Variants in ZNF197 observed in about 807,000 individuals in gnomAD.
The protein encoded by ZNF197 is zinc finger protein 197.
ZNF197 carries 14 observed loss-of-function variants against 27.4 expected under a neutral mutation model. The observed-to-expected ratio is 0.51, with a 90% confidence interval of 0.34 to 0.80. The LOEUF (loss-of-function observed/expected upper bound fraction) is 0.80. Among genes scored for constraint, ZNF197 ranks in the 30% least tolerant of loss-of-function variants. ZNF197 has a pLI of 0.02. For synonymous variants in ZNF197, 415 were observed against 420.0 expected, an observed-to-expected ratio of 0.99 and a Z score of 0.15; for missense variants, 1,090 against 1,222.6, an observed-to-expected ratio of 0.89 and a Z score of 1.62.
intron 1 of ZNF197, among the ~76,000 whole-genome samples, chr3:44,625,749 C>T (rs995507070): frequency 1.3e-4 from 8 of 63,834 alleles, no homozygotes; most frequent in Non-Finnish European, 2.3e-4. Flanking sequence ...CGCGCGCGCG[C>T]GCACACACAC....
intron 4 of ZNF197, 45 bp downstream of exon 4, chr3:44,632,241 G>T: frequency 6.3e-7 from 1 of 1,599,232 alleles, no homozygotes; most frequent in East Asian, 2.2e-5. Flanking sequence ...CAGCGTAACT[G>T]TGGCTGAAGT....
In ZNF197 at chr3:44,647,121, TC is replaced by T. The variant is rs1416788219; in HGVS notation, c.*2903del. 5 of 152,122 alleles carry T rather than the reference TC, an allele frequency of 3.3e-5. No individual in the cohort carries two copies. The highest frequency in any genetic ancestry group is 1.2e-4 in the African/African-American group (5 of 41,426). 9.4% of individuals were successfully genotyped at this position (152,122 alleles called of 1,614,324 possible). On this transcript the variant is annotated 3_prime_UTR_variant, in exon 6 of 6. Coordinates refer to ENST00000344387, the MANE Select transcript of ZNF197 (RefSeq NM_006991.5). ...TGTATGTAAACTACATAAAGAACTT[TC>T]CAAATTTAACAGTAATAAGTAAATA...
chr3:44,631,138 T>C lies in ZNF197; in HGVS notation c.467T>C (p.Leu156Pro), dbSNP rs1475260712. ...CCAGGAACAACACTTCCTCCTGTACTTCCTGGCAGCCACATAGCAGCTGAA... is the reference window on the plus strand; with the variant it reads ...CCAGGAACAACACTTCCTCCTGTACCTCCTGGCAGCCACATAGCAGCTGAA... Reference protein sequence around the residue: ...SAPGTTLPPVLPGSHIAAEIC... With the variant: ...SAPGTTLPPVPPGSHIAAEIC... The change falls in exon 3 of 6, where the codon CTT becomes CCT. Residue 156 changes from leucine to proline, a missense_variant. Transcript: ENST00000344387. 2 of 1,614,120 alleles carry C rather than the reference T, an allele frequency of 1.2e-6. No homozygotes were observed. Among genetic ancestry groups the C allele is most frequent in the Non-Finnish European group, 1.7e-6 (2 of 1,180,026 alleles).
rs1464664552 is a variant in ZNF197 at position 44,646,724 on chromosome 3, CAT to C, written c.*2505_*2506del. 2 of 518,900 alleles carry C rather than the reference CAT, an allele frequency of 3.9e-6. No homozygotes were observed. Among genetic ancestry groups the C allele is most frequent in the Non-Finnish European group, 6.8e-6 (2 of 292,080 alleles). The allele number at this position is 518,900 out of a possible 1,614,324, so 32.1% of individuals were successfully genotyped here. On this transcript the variant is annotated 3_prime_UTR_variant, in exon 6 of 6. Transcript: ENST00000344387. The stretch of plus-strand genomic sequence containing the variant: ...AAATTTCGATATGAAAGGTATAAAA[CAT>C]GGATGAGGAGGCTTGTTTTTAAAAG...
intron 5 of ZNF197, among the ~76,000 whole-genome samples, chr3:44,632,901 G>A (rs1340108443): frequency 1.3e-5 from 2 of 151,982 alleles, no homozygotes; most frequent in East Asian, 3.8e-4. Flanking sequence ...ACTCTTTGCA[G>A]TTATTATCTA....
intron 5 of ZNF197, among the ~76,000 whole-genome samples, chr3:44,638,720 G>C (rs1288554197): frequency 6.6e-6 from 1 of 152,066 alleles, no homozygotes; most frequent in Non-Finnish European, 1.5e-5. Context: ...TTTGAACAGT[G>C]TCTTACTCTG....
At chr3:44,633,260 G>T (rs1298313063) in intron 5 of ZNF197, among the ~76,000 whole-genome samples, 3 of 152,038 alleles carry the variant, frequency 2.0e-5, no homozygotes, top group Admixed American at 1.3e-4. Context: ...AATAATAAAA[G>T]AATATTTCAA....
In ZNF197 at chr3:44,646,014, G is replaced by T. The variant is rs1173695460; in HGVS notation, c.*1794G>T. ...TTTTTTAATAATGTCAAAGTGGTGT[G>T]TTGATTATCATAAATGTTATTAATT... On this transcript the variant is annotated 3_prime_UTR_variant, in exon 6 of 6. Transcript: ENST00000344387. 2.0e-6 allele frequency: 2 copies of T among 985,284 alleles called. No homozygotes were observed. The highest frequency in any genetic ancestry group is 3.5e-5 in the African/African-American group (2 of 57,222). The allele number at this position is 985,284 out of a possible 1,614,324, so 61.0% of individuals were successfully genotyped here.
At chr3:44,631,371 C>T (rs886763365) in intron 3 of ZNF197, 150 bp downstream of exon 3, 3 of 983,710 alleles carry the variant, frequency 3.0e-6, no homozygotes, top group African/African-American at 1.6e-5. Context: ...TTCTCTCCTT[C>T]TTTCTTGGGC....
In ZNF197 at chr3:44,642,452, T is replaced by G. The variant is rs1702666412; in HGVS notation, c.1322T>G (p.Leu441Arg). The change falls in exon 6 of 6, where the codon CTT (leucine) becomes CGT (arginine). Residue 441 changes from leucine to arginine, a missense_variant. By Grantham distance (102) the Leu-to-Arg change is moderately radical. Transcript: ENST00000344387. ...AAAGCATTTTCTCAAAGTGCTTACC[T>G]TCTAAACCATCAGAGGATCCACACT... Reference protein sequence around the residue: ...CGKAFSQSAYLLNHQRIHTGE... With the variant: ...CGKAFSQSAYRLNHQRIHTGE... The G allele has an allele frequency of 6.2e-7, 1 of 1,613,752 alleles. No homozygotes were observed. Among genetic ancestry groups the G allele is most frequent in the Non-Finnish European group, 8.5e-7 (1 of 1,179,948 alleles).
At position 44,644,280 on chromosome 3, in the gene ZNF197, A is replaced by G; in HGVS notation, c.*60A>G. ...CTTAAGTAACTGTTGGACAAATGAT[A>G]TATATTTCTTCTAAGGAAAAAGTTT... is the stretch of plus-strand genomic sequence containing the variant. On this transcript the variant is annotated 3_prime_UTR_variant, in exon 6 of 6. Transcript: ENST00000344387. 4 of 1,521,674 alleles carry G rather than the reference A, an allele frequency of 2.6e-6. No individual in the cohort carries two copies. Among genetic ancestry groups the G allele is most frequent in the Non-Finnish European group, 3.5e-6 (4 of 1,140,722 alleles). 94.3% of individuals were successfully genotyped at this position (1,521,674 alleles called of 1,614,324 possible).
At position 44,644,247 on chromosome 3, in the gene ZNF197, C is replaced by T; in HGVS notation, c.*27C>T. On this transcript the variant is annotated 3_prime_UTR_variant, in exon 6 of 6. Transcript: ENST00000344387. ...GTCATATGTAAAATGGAATAGAATC[C>T]CTGCCTACTTAAGTAACTGTTGGAC... is the stretch of plus-strand genomic sequence containing the variant. 1 of 1,548,838 alleles carries T rather than the reference C, an allele frequency of 6.5e-7. No individual in the cohort carries two copies.
intron 5 of ZNF197, among the ~76,000 whole-genome samples, chr3:44,634,368 T>C (rs539075007): frequency 4.6e-5 from 7 of 152,282 alleles, no homozygotes; most frequent in Non-Finnish European, 7.4e-5. Flanking sequence ...AGAAAATCCT[T>C]TATGTTGTCA....
chr3:44,644,993 A>G lies in ZNF197; in HGVS notation c.*773A>G. ...ACCTGAACAGACAGTATGATCCAGA[A>G]TGTCAGGTGTGGAGTTGGGCGGACA... On this transcript the variant is annotated 3_prime_UTR_variant, in exon 6 of 6. Transcript: ENST00000344387. 3 of 985,484 alleles carry G rather than the reference A, an allele frequency of 3.0e-6. No homozygotes were observed. The highest frequency in any genetic ancestry group is 3.6e-6 in the Non-Finnish European group (3 of 829,932). 61.0% of individuals were successfully genotyped at this position (985,484 alleles called of 1,614,324 possible). A position where few individuals can be genotyped will look rare whatever the true frequency, so the allele number is the denominator to read the frequency against.
Position 44,631,338 on chromosome 3 carries a change from A to G in ZNF197, c.550+117A>G. The G allele has an allele frequency of 1.0e-5, 13 of 1,274,632 alleles. No homozygotes were observed. In the South Asian group the frequency reaches 1.9e-4, roughly 18 times the overall value. 79.0% of individuals were successfully genotyped at this position (1,274,632 alleles called of 1,614,324 possible). A position where few individuals can be genotyped will look rare whatever the true frequency, so the allele number is the denominator to read the frequency against. ...CTGTCTAGGAGTCTCTTACAGTGCC[A>G]ATTTCTTTCTGCTGTTCTGTTGTTC... On this transcript the variant is annotated intron_variant, in intron 3 of 5. Coordinates refer to ENST00000344387, the MANE Select transcript of ZNF197 (RefSeq NM_006991.5).
Position 44,631,153 on chromosome 3 carries a change from T to A in ZNF197, c.482T>A (p.Ile161Lys). The A allele has an allele frequency of 6.2e-7, 1 of 1,614,182 alleles. No individual in the cohort carries two copies. ...CCTCCTGTACTTCCTGGCAGCCACA[T>A]AGCAGCTGAAATTTGCCCGCATCCT... The part of the protein sequence containing the change: ...TLPPVLPGSH[I>K]AAEICPHPPT... Residue 161 changes from isoleucine to lysine, a missense_variant, in exon 3 of 6, where the codon ATA becomes AAA. Physicochemically the swap from Ile to Lys is moderately radical, Grantham distance 102. Coordinates refer to ENST00000344387, the MANE Select transcript of ZNF197 (RefSeq NM_006991.5).
In ZNF197 at chr3:44,643,387, C is replaced by T. The variant is rs376273220; in HGVS notation, c.2257C>T (p.Arg753Trp). Residue 753 changes from arginine (R) to tryptophan (W), a missense_variant, in exon 6 of 6, where the codon CGG (arginine) becomes TGG (tryptophan). Arg to Trp is a moderately radical substitution (Grantham distance 101). Coordinates refer to ENST00000344387, the MANE Select transcript of ZNF197 (RefSeq NM_006991.5). ...FSYNSSLLVH[R>W]RIHTGEKPFE... The stretch of plus-strand genomic sequence containing the variant: ...TTACAATTCAAGCCTGCTTGTACAT[C>T]GGAGAATCCACACCGGAGAAAAACC... 4.1e-4 allele frequency: 656 copies of T among 1,614,036 alleles called. No homozygotes were observed. Among genetic ancestry groups the T allele is most frequent in the Non-Finnish European group, 5.4e-4 (632 of 1,180,034 alleles).
In ZNF197 at chr3:44,643,310, T is replaced by G; in HGVS notation, c.2180T>G (p.Leu727Arg). 1 of 1,613,698 alleles carries G rather than the reference T, an allele frequency of 6.2e-7. No individual in the cohort carries two copies. The highest frequency in any genetic ancestry group is 8.5e-7 in the Non-Finnish European group (1 of 1,179,902). ...AAAAGTTTTATGGTCCATCAGAAAC[T>G]CCATACACAAGAGAAAGCCTACAAA... is the stretch of plus-strand genomic sequence containing the variant. ...MSKSFMVHQK[L>R]HTQEKAYKCE... is the part of the protein sequence containing the mutation. The change falls in exon 6 of 6, where the codon CTC (leucine) becomes CGC (arginine). Residue 727 changes from leucine (L) to arginine (R), a missense_variant. Transcript: ENST00000344387.
At chr3:44,632,733 C>T (rs1258984086) in intron 5 of ZNF197, 134 bp downstream of exon 5, 10 of 1,065,468 alleles carry the variant, frequency 9.4e-6, no homozygotes, top group African/African-American at 6.5e-5. Context: ...TCCTTAACAT[C>T]GCTATTTCCA....
Sources: allele counts gnomAD v4.1 joint callset (sites outside exome capture counted in the v4.1 genomes callset), GRCh38; gene constraint gnomAD v4.1.1; transcripts MANE v1.5; gene names NCBI Gene and HGNC (gene_info 2026-07-23, HGNC 2026-07-21).